The following VMA12 variants were observed in gnomAD, a reference collection of about 807,000 sequenced individuals.
VMA12 encodes the protein vacuolar ATPase assembly protein VMA12.
chr17:28,357,686 C>G, the VMA12 span: 36 of 1,612,566 alleles, frequency 2.2e-5, no homozygotes, highest in African/African-American at 4.3e-4. Flanking sequence ...GTCCTCTTTG[C>G]TTGCGGGCGA....
At chr17:28,360,568 C>G in the VMA12 span, 13 of 1,614,184 alleles carry the variant, frequency 8.1e-6, no homozygotes, top group Admixed American at 1.3e-4. Flanking sequence ...CCTGGGAAAG[C>G]AAGGTGAGGT....
the VMA12 span, chr17:28,358,341 G>A: frequency 2.2e-6 from 1 of 464,894 alleles, no homozygotes. Context: ...TGAAAGATCT[G>A]GCCTGAGAGT....
chr17:28,358,582 C>A, the VMA12 span: 3 of 483,620 alleles, frequency 6.2e-6, no homozygotes, highest in Non-Finnish European at 1.3e-5. Flanking sequence ...GTCCTCTGAG[C>A]ATTTAGCATC....
the VMA12 span, chr17:28,361,149 A>G: frequency 6.2e-7 from 1 of 1,613,960 alleles, no homozygotes; most frequent in Non-Finnish European, 8.5e-7. Context: ...GGTTCTCCCC[A>G]TCTCCAGCGG....
chr17:28,358,765 A>C, the VMA12 span: 1 of 663,640 alleles, frequency 1.5e-6, no homozygotes, highest in South Asian at 2.0e-5. Context: ...ATTATCCAAA[A>C]TTCTTTTCAA....
At chr17:28,362,342 C>G in the VMA12 span, 1 of 152,106 alleles carries the variant, frequency 6.6e-6, no homozygotes, top group Non-Finnish European at 1.5e-5. Context: ...TTTCCAGTAA[C>G]CTGAGCTATA....
the VMA12 span, chr17:28,359,426 C>G: frequency 1.9e-6 from 3 of 1,611,616 alleles, no homozygotes; most frequent in Non-Finnish European, 2.5e-6. Flanking sequence ...CTCTTCAGTA[C>G]GTGGTCTAGG....
the VMA12 span, chr17:28,361,035 C>G: frequency 9.7e-7 from 1 of 1,032,780 alleles, no homozygotes; most frequent in Non-Finnish European, 1.5e-6. Flanking sequence ...GCCACATTCT[C>G]TTTTCTTCCC....
At chr17:28,360,931 A>G in the VMA12 span, 2 of 1,206,414 alleles carry the variant, frequency 1.7e-6, no homozygotes, top group Non-Finnish European at 2.4e-6. Flanking sequence ...TGCCTTGCAC[A>G]GGTTAGGTAT....
the VMA12 span, chr17:28,357,675 C>A: frequency 6.2e-7 from 1 of 1,611,914 alleles, no homozygotes; most frequent in Middle Eastern, 1.8e-4. Flanking sequence ...CTAGATATGG[C>A]GTCCTCTTTG....
At chr17:28,358,380 C>T in the VMA12 span, 3 of 472,368 alleles carry the variant, frequency 6.4e-6, no homozygotes, top group African/African-American at 4.0e-5. Context: ...CTAGCTCTGT[C>T]ACTAATCCTT....
At chr17:28,358,059 A>G in the VMA12 span, 1 of 685,336 alleles carries the variant, frequency 1.5e-6, no homozygotes, top group East Asian at 2.7e-5. Flanking sequence ...CTCGTGGATG[A>G]CAAATTTGCT....
chr17:28,358,269 G>A, the VMA12 span: 1 of 410,076 alleles, frequency 2.4e-6, no homozygotes, highest in Non-Finnish European at 5.0e-6. Context: ...AGCAAGAGTG[G>A]TGAAATCTGA....
At chr17:28,357,709 T>C in the VMA12 span, 1 of 1,613,124 alleles carries the variant, frequency 6.2e-7, no homozygotes, top group South Asian at 1.1e-5. Context: ...GATTGGTGCG[T>C]GCTTTGGGCC....
the VMA12 span, chr17:28,361,137 C>G: frequency 1.2e-6 from 2 of 1,613,112 alleles, no homozygotes; most frequent in African/African-American, 1.3e-5. Context: ...TCCCTTAAGC[C>G]TGGTTCTCCC....
the VMA12 span, chr17:28,361,057 T>TA: frequency 8.5e-7 from 1 of 1,179,302 alleles, no homozygotes; most frequent in Non-Finnish European, 1.2e-6. Context: ...TCCCCCAACT[T>TA]AGAGGGTGGT....
the VMA12 span, chr17:28,361,606 C>A: frequency 3.9e-6 from 1 of 257,646 alleles, no homozygotes; most frequent in African/African-American, 2.2e-5. Context: ...CAGAAGTAGA[C>A]CATACTGCCT....
chr17:28,359,127 C>T, the VMA12 span: 3 of 967,344 alleles, frequency 3.1e-6, no homozygotes, highest in Non-Finnish European at 3.0e-6. Context: ...CAGATATTGT[C>T]CTCCCCATCA....
At chr17:28,358,863 C>T in the VMA12 span, 13 of 1,479,776 alleles carry the variant, frequency 8.8e-6, no homozygotes, top group African/African-American at 4.2e-5. Context: ...TTGATCTTAA[C>T]CCTTCAACCT....
Sources: gnomAD v4.1 joint callset for allele counts on GRCh38, gnomAD v4.1.1 for gene constraint, MANE v1.5 for transcripts, NCBI Gene and HGNC (gene_info 2026-07-23, HGNC 2026-07-21) for gene names.